ATOSA: variants seen among roughly 807,000 people sequenced by gnomAD.
ATOSA encodes the protein atos homolog A, also known as atos homolog protein A.
At chr15:52,593,095 A>G in the ATOSA span, among the ~76,000 whole-genome samples, 14 of 152,056 alleles carry the variant, frequency 9.2e-5, no homozygotes, top group African/African-American at 3.4e-4. Context: ...ACAGTGGGCT[A>G]TGACTGCACC....
chr15:52,599,732 G>C, the ATOSA span, among the ~76,000 whole-genome samples: 1,544 of 152,228 alleles, frequency 0.01, 25 homozygotes, highest in African/African-American at 0.036. Flanking sequence ...TGCAAATAAA[G>C]TACAGAAAAC....
the ATOSA span, among the ~76,000 whole-genome samples, chr15:52,608,356 C>A: frequency 6.6e-6 from 1 of 152,130 alleles, no homozygotes; most frequent in Non-Finnish European, 1.5e-5. Flanking sequence ...ACAGCATGAT[C>A]TTTATTTCCT....
the ATOSA span, among the ~76,000 whole-genome samples, chr15:52,653,130 G>A: frequency 0.027 from 4,051 of 152,282 alleles, 68 homozygotes; most frequent in Non-Finnish European, 0.039. Flanking sequence ...AAGGTTTGTG[G>A]GAGTAGGCTG....
chr15:52,681,609 G>C, the ATOSA span, among the ~76,000 whole-genome samples: 1 of 152,160 alleles, frequency 6.6e-6, no homozygotes, highest in African/African-American at 2.4e-5. Context: ...AATGTTTCTA[G>C]TTCCTAGTTG....
the ATOSA span, among the ~76,000 whole-genome samples, chr15:52,696,161 G>C: frequency 1.6e-4 from 25 of 152,112 alleles, 1 homozygote; most frequent in African/African-American, 6.0e-4. Context: ...CTAACTAATG[G>C]TAGGCTATTC....
At chr15:52,687,775 T>G in the ATOSA span, among the ~76,000 whole-genome samples, 1 of 152,204 alleles carries the variant, frequency 6.6e-6, no homozygotes, top group Admixed American at 6.5e-5. Context: ...CCAGTCTTCA[T>G]TCCTCCCCAC....
At chr15:52,606,504 A>G in the ATOSA span, among the ~76,000 whole-genome samples, 1 of 152,166 alleles carries the variant, frequency 6.6e-6, no homozygotes, top group Non-Finnish European at 1.5e-5. Flanking sequence ...CTTCATATCA[A>G]AGTGAGAGGG....
chr15:52,644,515 G>A, the ATOSA span, among the ~76,000 whole-genome samples: 2 of 152,106 alleles, frequency 1.3e-5, no homozygotes, highest in Non-Finnish European at 1.5e-5. Context: ...AACTACTATT[G>A]CTTAGCACAG....
the ATOSA span, among the ~76,000 whole-genome samples, chr15:52,697,061 A>G: frequency 2.0e-5 from 3 of 152,164 alleles, no homozygotes; most frequent in Admixed American, 6.5e-5. Flanking sequence ...AGTTCTAACA[A>G]TGCTGACAAG....
At chr15:52,640,366 G>A in the ATOSA span, among the ~76,000 whole-genome samples, 24 of 151,420 alleles carry the variant, frequency 1.6e-4, no homozygotes, top group Non-Finnish European at 3.2e-4. Flanking sequence ...AGGAGTTCAA[G>A]AACAGCCTGG....
At chr15:52,635,852 T>C in the ATOSA span, among the ~76,000 whole-genome samples, 5 of 151,038 alleles carry the variant, frequency 3.3e-5, no homozygotes, top group East Asian at 9.7e-4. Context: ...AAAAATTAGC[T>C]GGGTGCGGTG....
the ATOSA span, among the ~76,000 whole-genome samples, chr15:52,667,914 A>T: frequency 6.6e-6 from 1 of 152,212 alleles, no homozygotes; most frequent in Non-Finnish European, 1.5e-5. Flanking sequence ...AAAGAAAACA[A>T]GTGTTGGCAA....
the ATOSA span, among the ~76,000 whole-genome samples, chr15:52,604,857 T>C: frequency 1.3e-5 from 2 of 152,164 alleles, no homozygotes; most frequent in Non-Finnish European, 2.9e-5. Flanking sequence ...ATCCACTTGA[T>C]GGTTTTTGTT....
At chr15:52,678,114 T>C in the ATOSA span, 1 of 1,450,834 alleles carries the variant, frequency 6.9e-7, no homozygotes, top group Non-Finnish European at 9.7e-7. Context: ...CTGCTTCGCT[T>C]TCAAAATGCT....
At chr15:52,613,846 C>T in the ATOSA span, 1 of 1,613,450 alleles carries the variant, frequency 6.2e-7, no homozygotes, top group East Asian at 2.2e-5. Flanking sequence ...TCAAAATATT[C>T]ATCCAGAGTA....
the ATOSA span, among the ~76,000 whole-genome samples, chr15:52,648,389 C>T: frequency 6.6e-6 from 1 of 152,060 alleles, no homozygotes; most frequent in African/African-American, 2.4e-5. Flanking sequence ...GATATTTTAA[C>T]ACATGTATAT....
At chr15:52,653,510 A>G in the ATOSA span, among the ~76,000 whole-genome samples, 2 of 152,276 alleles carry the variant, frequency 1.3e-5, no homozygotes, top group Non-Finnish European at 2.9e-5. Flanking sequence ...TGGAAACACA[A>G]TAAGCCTGAG....
chr15:52,659,865 A>C, the ATOSA span, among the ~76,000 whole-genome samples: 3 of 152,104 alleles, frequency 2.0e-5, no homozygotes, highest in Admixed American at 2.0e-4. Context: ...ATATATTAAA[A>C]AAATAAAAAA....
At chr15:52,676,342 G>C in the ATOSA span, among the ~76,000 whole-genome samples, 18 of 152,230 alleles carry the variant, frequency 1.2e-4, no homozygotes, top group East Asian at 3.3e-3. Flanking sequence ...CCCATTAATT[G>C]GTGAAGAAAT....
Sources: allele counts gnomAD v4.1 joint callset (sites outside exome capture counted in the v4.1 genomes callset), GRCh38; gene constraint gnomAD v4.1.1; transcripts MANE v1.5; gene names NCBI Gene and HGNC (gene_info 2026-07-23, HGNC 2026-07-21).